The following LOC128462377 variants were observed in gnomAD, a reference collection of about 807,000 sequenced individuals.
chr16:89,401,532 G>A, the LOC128462377 span, among the ~76,000 whole-genome samples: 13 of 152,242 alleles, frequency 8.5e-5, 1 homozygote, highest in South Asian at 2.5e-3. Context: ...AGATTTACAT[G>A]TTTTATCTTG....
At chr16:89,332,819 C>T in the LOC128462377 span, among the ~76,000 whole-genome samples, 1 of 152,214 alleles carries the variant, frequency 6.6e-6, no homozygotes, top group Non-Finnish European at 1.5e-5. Flanking sequence ...AGAAAGCAAG[C>T]AATTCCCTTA....
At chr16:89,382,965 C>G in the LOC128462377 span, among the ~76,000 whole-genome samples, 2 of 152,336 alleles carry the variant, frequency 1.3e-5, no homozygotes, top group Middle Eastern at 3.4e-3. Flanking sequence ...CTCAGCCTCC[C>G]GAGGAGCTGG....
chr16:89,343,613 C>A, the LOC128462377 span: 1 of 152,226 alleles, frequency 6.6e-6, no homozygotes, highest in South Asian at 2.1e-4. Flanking sequence ...CAGAACCTCA[C>A]CCCAGTCAGA....
At chr16:89,366,296 G>C in the LOC128462377 span, among the ~76,000 whole-genome samples, 1 of 152,110 alleles carries the variant, frequency 6.6e-6, no homozygotes, top group East Asian at 1.9e-4. Flanking sequence ...ACATTCGCCC[G>C]CATGTGTCTT....
At chr16:89,405,661 C>CGA in the LOC128462377 span, among the ~76,000 whole-genome samples, 2 of 152,104 alleles carry the variant, frequency 1.3e-5, no homozygotes, top group African/African-American at 4.8e-5. Context: ...ATCAGCCTTC[C>CGA]TGACTGCTGC....
At chr16:89,384,457 G>A in the LOC128462377 span, among the ~76,000 whole-genome samples, 4 of 151,656 alleles carry the variant, frequency 2.6e-5, no homozygotes, top group Admixed American at 2.6e-4. Flanking sequence ...GGGATGGGAT[G>A]AAATGGGACA....
chr16:89,407,078 C>T, the LOC128462377 span, among the ~76,000 whole-genome samples: 1 of 151,422 alleles, frequency 6.6e-6, no homozygotes, highest in Non-Finnish European at 1.5e-5. Flanking sequence ...CCCAGGTACT[C>T]GGGAGGCTGA....
the LOC128462377 span, among the ~76,000 whole-genome samples, chr16:89,340,482 C>T: frequency 1.3e-5 from 2 of 152,140 alleles, no homozygotes; most frequent in African/African-American, 4.8e-5. Context: ...ACAATGTTGT[C>T]CAGGCTGATC....
the LOC128462377 span, among the ~76,000 whole-genome samples, chr16:89,327,054 A>G: frequency 4.6e-3 from 178 of 38,724 alleles, no homozygotes; most frequent in African/African-American, 9.6e-3. Flanking sequence ...CAGAGGTGGG[A>G]AATGCAGAGG....
At chr16:89,342,127 G>A in the LOC128462377 span, among the ~76,000 whole-genome samples, 1 of 151,628 alleles carries the variant, frequency 6.6e-6, no homozygotes, top group Non-Finnish European at 1.5e-5. Context: ...TGGGCACTTG[G>A]TCCCTTCTCT....
the LOC128462377 span, among the ~76,000 whole-genome samples, chr16:89,322,719 G>A: frequency 6.6e-6 from 1 of 152,168 alleles, no homozygotes; most frequent in African/African-American, 2.4e-5. Context: ...GGAAGCAGCA[G>A]TCCTGTGTGG....
the LOC128462377 span, among the ~76,000 whole-genome samples, chr16:89,384,479 G>A: frequency 6.6e-6 from 1 of 151,942 alleles, no homozygotes; most frequent in African/African-American, 2.4e-5. Context: ...GACAAGATGG[G>A]AATGGGACGA....
chr16:89,353,810 T>C, the LOC128462377 span, among the ~76,000 whole-genome samples: 3 of 152,172 alleles, frequency 2.0e-5, no homozygotes, highest in Admixed American at 1.3e-4. Context: ...CATAATGTTT[T>C]TCATGATCAA....
the LOC128462377 span, among the ~76,000 whole-genome samples, chr16:89,335,936 C>T: frequency 1.3e-5 from 2 of 152,212 alleles, no homozygotes; most frequent in African/African-American, 4.8e-5. Context: ...CTGAGGCATC[C>T]GCCGCAAACA....
the LOC128462377 span, among the ~76,000 whole-genome samples, chr16:89,337,003 CT>C: frequency 1.4e-5 from 1 of 73,970 alleles, no homozygotes; most frequent in Non-Finnish European, 2.6e-5. Context: ...AACCCTGGCT[CT>C]ACCAAAAAAA....
chr16:89,353,474 C>G, the LOC128462377 span, among the ~76,000 whole-genome samples: 8 of 152,038 alleles, frequency 5.3e-5, no homozygotes, highest in Admixed American at 2.0e-4. Context: ...CTACAAGGAA[C>G]TGGTCACTTT....
At chr16:89,391,395 G>A in the LOC128462377 span, among the ~76,000 whole-genome samples, 4 of 152,106 alleles carry the variant, frequency 2.6e-5, no homozygotes, top group African/African-American at 9.7e-5. Flanking sequence ...ACCCCGTGCC[G>A]TCTCCAGGTA....
At chr16:89,351,505 G>T in the LOC128462377 span, among the ~76,000 whole-genome samples, 11 of 152,190 alleles carry the variant, frequency 7.2e-5, no homozygotes, top group Admixed American at 7.2e-4. Context: ...CGTATTCAAA[G>T]AGGATCCTAG....
the LOC128462377 span, among the ~76,000 whole-genome samples, chr16:89,334,144 T>TTA: frequency 2.4e-5 from 1 of 41,410 alleles, no homozygotes; most frequent in African/African-American, 9.6e-5. Flanking sequence ...CCCTGTGTTT[T>TTA]AAAAAAAAAA....
Sources: allele counts gnomAD v4.1 joint callset (sites outside exome capture counted in the v4.1 genomes callset), GRCh38; gene constraint gnomAD v4.1.1; transcripts MANE v1.5.